TNKS: variants seen among roughly 807,000 people sequenced by gnomAD.
TNKS encodes poly [ADP-ribose] polymerase tankyrase-1.
In TNKS, 72 loss-of-function variants were observed where a neutral mutation model predicts 135.8. The observed-to-expected ratio is 0.53, with a 90% CI of 0.44 to 0.64. The LOEUF (loss-of-function observed/expected upper bound fraction) is 0.64, where lower values mean the gene tolerates loss of function less well. Ranked by LOEUF, TNKS falls within the 30% of genes least tolerant of loss-of-function variation. TNKS has a pLI of 0.00. For synonymous variants in TNKS, 849 were observed against 649.3 expected (o/e 1.31, Z -4.68); for missense variants, 1,769 against 1,674.0 (o/e 1.06, Z -0.99).
Position 9,708,357 on chromosome 8 carries a change from T to G in TNKS, c.1457-14T>G. On this transcript the variant is annotated splice_polypyrimidine_tract_variant and intron_variant, in intron 8 of 26. Coordinates refer to ENST00000310430, the MANE Select transcript of TNKS (RefSeq NM_003747.3). ...TTACATCTTTTTTTATGTCAACCAT[T>G]GTTTCATTGACAGATGAATTTAAAG... 6.4e-7 allele frequency: 1 copy of G among 1,553,850 alleles called. No homozygotes were observed. The highest frequency in any genetic ancestry group is 8.7e-7 in the Non-Finnish European group (1 of 1,149,438).
At chr8:9,633,786 C>T (rs1800389493) in intron 3 of TNKS, among the ~76,000 whole-genome samples, 1 of 152,094 alleles carries the variant, frequency 6.6e-6, no homozygotes, top group South Asian at 2.1e-4. Context: ...GGCCAGTAGC[C>T]AGTGAGAAAC....
At chr8:9,762,514 T>C (rs560878798) in intron 21 of TNKS, among the ~76,000 whole-genome samples, 1 of 152,328 alleles carries the variant, frequency 6.6e-6, no homozygotes, top group Admixed American at 6.5e-5. Flanking sequence ...TTCTTTTTTT[T>C]TGTGTCAGAC....
intron 5 of TNKS, among the ~76,000 whole-genome samples, chr8:9,700,543 C>T (rs935324432): frequency 6.6e-6 from 1 of 152,086 alleles, no homozygotes; most frequent in Non-Finnish European, 1.5e-5. Flanking sequence ...CATCTAGGCA[C>T]TTTAAATTCA....
chr8:9,653,631 A>G (rs553085592), intron 3 of TNKS, among the ~76,000 whole-genome samples: 1 of 152,042 alleles, frequency 6.6e-6, no homozygotes, highest in Admixed American at 6.6e-5. Context: ...ACTCACTTCT[A>G]CTCCAATGAG....
At chr8:9,658,150 T>G (rs1440656301) in intron 3 of TNKS, 1 of 182,316 alleles carries the variant, frequency 5.5e-6, no homozygotes, top group African/African-American at 3.6e-5. Flanking sequence ...GCTCCTCACT[T>G]TCCAGACTGG....
At position 9,764,416 on chromosome 8, in the gene TNKS, GTTC is replaced by G. The variant is rs541118449; in HGVS notation, c.3373-292_3373-290del. Among the ~76,000 whole-genome samples, 24 of 152,210 alleles carry G rather than the reference GTTC, an allele frequency of 1.6e-4. No homozygotes were observed. The East Asian group carries it at 3.9e-3, about 24-fold the overall frequency. ...TTTGTTTGACTTAATCAGAGTGTTA[GTTC>G]TTCTTCTCAATAAGATAAGATAGTA... On this transcript the variant is annotated intron_variant, in intron 22 of 26. Transcript: ENST00000310430.
In TNKS at chr8:9,782,009, A is replaced by G. The variant is rs1808475788; in HGVS notation, c.*5273A>G. On this transcript the variant is annotated 3_prime_UTR_variant, in exon 27 of 27. Coordinates refer to ENST00000310430, the MANE Select transcript of TNKS (RefSeq NM_003747.3). ...GCATATATTTACAGTAAAAGCATTC[A>G]TTATTTGTCTGAAATTCAAATTTAA... The G allele has an allele frequency of 6.6e-6, 1 of 152,322 alleles. No individual in the cohort carries two copies. The highest frequency in any genetic ancestry group is 1.5e-5 in the Non-Finnish European group (1 of 68,038). The allele number at this position is 152,322 out of a possible 1,614,324, so 9.4% of individuals were successfully genotyped here. A position where few individuals can be genotyped will look rare whatever the true frequency, so the allele number is the denominator to read the frequency against.
chr8:9,773,119 C>T (rs1235158425), intron 26 of TNKS, among the ~76,000 whole-genome samples: 1 of 151,046 alleles, frequency 6.6e-6, no homozygotes, highest in Non-Finnish European at 1.5e-5. Context: ...AGAAAAGAAG[C>T]TTTTTTTTAA....
In TNKS at chr8:9,779,531, T is replaced by G. The variant is rs188214336; in HGVS notation, c.*2795T>G. ...TACCTGCTGTTGGCCTGCTGGATAC[T>G]TGACTCAGGCATAAATTAAGTGCCC... On this transcript the variant is annotated 3_prime_UTR_variant, in exon 27 of 27. Coordinates refer to ENST00000310430, the MANE Select transcript of TNKS (RefSeq NM_003747.3). 6.6e-6 allele frequency: 1 copy of G among 152,344 alleles called. No homozygotes were observed. Among genetic ancestry groups the G allele is most frequent in the East Asian group, 1.9e-4 (1 of 5,186 alleles). The allele number at this position is 152,344 out of a possible 1,614,324, so 9.4% of individuals were successfully genotyped here.
In TNKS at chr8:9,734,258, T is replaced by C. The variant is rs578027848; in HGVS notation, c.2314-607T>C. ...TTTCCGCAGTGAGCCCATGACAGTCTGTGGCCGACCCATAATAAAAATTAT... is the reference window on the plus strand; with the variant it reads ...TTTCCGCAGTGAGCCCATGACAGTCCGTGGCCGACCCATAATAAAAATTAT... On this transcript the variant is annotated intron_variant, in intron 15 of 26. Coordinates refer to ENST00000310430, the MANE Select transcript of TNKS (RefSeq NM_003747.3). 1.1e-4 allele frequency among the ~76,000 whole-genome samples: 16 copies of C among 152,322 alleles called. No individual in the cohort carries two copies. In the East Asian group the frequency reaches 2.5e-3, roughly 24 times the overall value.
At chr8:9,562,874 G>T (rs988938535) in intron 1 of TNKS, among the ~76,000 whole-genome samples, 7 of 150,676 alleles carry the variant, frequency 4.6e-5, no homozygotes, top group African/African-American at 1.7e-4. Flanking sequence ...TTAAAGACCA[G>T]ATATTCTATT....
chr8:9,614,719 A>G (rs1331782302), intron 2 of TNKS, among the ~76,000 whole-genome samples: 3 of 152,100 alleles, frequency 2.0e-5, no homozygotes, highest in Non-Finnish European at 2.9e-5. Flanking sequence ...CATTGATTTA[A>G]TCATTGTTTG....
At chr8:9,645,033 T>C (rs1040375752) in intron 3 of TNKS, among the ~76,000 whole-genome samples, 1 of 152,188 alleles carries the variant, frequency 6.6e-6, no homozygotes, top group African/African-American at 2.4e-5. Context: ...ATATGTTTTT[T>C]CTTCACCATT....
chr8:9,669,809 T>G (rs1802186392), intron 3 of TNKS, among the ~76,000 whole-genome samples: 2 of 139,388 alleles, frequency 1.4e-5, no homozygotes, highest in Non-Finnish European at 3.1e-5. Flanking sequence ...ATAGCCAGTT[T>G]CAAGAGGGTT....
chr8:9,776,595 C>T (rs1358297519), intron 26 of TNKS, 55 bp from the exon 27 acceptor site: 1 of 1,539,552 alleles, frequency 6.5e-7, no homozygotes, highest in African/African-American at 1.4e-5. Flanking sequence ...TTCGGCAAGG[C>T]TTTAATATTG....
intron 3 of TNKS, among the ~76,000 whole-genome samples, chr8:9,630,581 C>T (rs1800252771): frequency 1.3e-5 from 2 of 152,162 alleles, no homozygotes; most frequent in Admixed American, 6.5e-5. Flanking sequence ...ATCCCCATCA[C>T]ATTAATGGGG....
intron 5 of TNKS, among the ~76,000 whole-genome samples, chr8:9,692,142 G>A (rs1466758399): frequency 1.3e-5 from 2 of 152,074 alleles, no homozygotes; most frequent in African/African-American, 2.4e-5. Flanking sequence ...CTTGGCTTAC[G>A]AATGATCCCA....
chr8:9,776,858 C>G lies in TNKS; in HGVS notation c.*122C>G, dbSNP rs1040477019. On this transcript the variant is annotated 3_prime_UTR_variant, in exon 27 of 27. Transcript: ENST00000310430. Reference sequence around the variant, plus strand: ...GACAGCCTAGAAATAAGCTGTTTGTCTTCTATAAAGCATTGCTATAGTGAT... The same window carrying G: ...GACAGCCTAGAAATAAGCTGTTTGTGTTCTATAAAGCATTGCTATAGTGAT... 3.1e-5 allele frequency: 28 copies of G among 903,938 alleles called. No homozygotes were observed. Among genetic ancestry groups the G allele is most frequent in the Non-Finnish European group, 4.8e-5 (28 of 583,012 alleles). The allele number at this position is 903,938 out of a possible 1,614,324, so 56.0% of individuals were successfully genotyped here.
chr8:9,658,165 C>T (rs868194575), intron 3 of TNKS: 110 of 219,476 alleles, frequency 5.0e-4, no homozygotes, highest in Middle Eastern at 1.4e-3. Flanking sequence ...GACTGGGCAG[C>T]CAGGCAGAGG....
Sources: allele counts gnomAD v4.1 joint callset (sites outside exome capture counted in the v4.1 genomes callset), GRCh38; gene constraint gnomAD v4.1.1; transcripts MANE v1.5; gene names NCBI Gene and HGNC (gene_info 2026-07-23, HGNC 2026-07-21).